Variants in PRDM11 observed in about 807,000 individuals in gnomAD.
PRDM11 encodes the protein PR/SET domain 11, also known as PR domain-containing protein 11.
PRDM11 carries 20 observed loss-of-function variants against 97.8 expected under a neutral mutation model. That is an observed-to-expected ratio of 0.20 (90% CI 0.14 to 0.30). The LOEUF (loss-of-function observed/expected upper bound fraction) is 0.30. Among genes scored for constraint, PRDM11 ranks in the 10% least tolerant of loss-of-function variants. The pLI, the probability that PRDM11 is intolerant of heterozygous loss-of-function variation, is 1.00. For missense variants in PRDM11, 1,139 were observed against 1,555.2 expected, an observed-to-expected ratio of 0.73 and a Z score of 4.50; for synonymous variants, 599 against 637.7, an observed-to-expected ratio of 0.94 and a Z score of 0.91.
chr11:45,177,388 G>A (rs1375976838), intron 1 of PRDM11, among the ~76,000 whole-genome samples: 1 of 152,218 alleles, frequency 6.6e-6, no homozygotes, highest in African/African-American at 2.4e-5. Context: ...TGCTGGGCAG[G>A]TAGGACTAGA....
Position 45,149,507 on chromosome 11 carries a change from T to G in PRDM11, c.-7+2630T>G, listed in dbSNP as rs1851608442. Among the ~76,000 whole-genome samples the G allele has an allele frequency of 2.6e-5, 4 of 152,226 alleles. No homozygotes were observed. In the South Asian group the frequency reaches 8.3e-4, roughly 32 times the overall value. On this transcript the variant is annotated intron_variant, in intron 1 of 7. Transcript: ENST00000683152. ...GGGAGTGTCTGGTGGTCCTTAGTGC[T>G]TTCCTCTTACTATTTCCGGTTCTTC...
At chr11:45,190,609 C>T (rs1198113938) in intron 4 of PRDM11, among the ~76,000 whole-genome samples, 1 of 151,530 alleles carries the variant, frequency 6.6e-6, no homozygotes, top group African/African-American at 2.4e-5. Context: ...CTGGTAAATA[C>T]TTTCGGCTTT....
chr11:45,106,681 G>A (rs896205994), intron 1 of PRDM11, among the ~76,000 whole-genome samples: 2 of 152,144 alleles, frequency 1.3e-5, no homozygotes, highest in African/African-American at 2.4e-5. Flanking sequence ...AGGCCGACAC[G>A]GGCTGCCACC....
chr11:45,125,495 C>G (rs1357401717), intron 1 of PRDM11, among the ~76,000 whole-genome samples: 1 of 152,184 alleles, frequency 6.6e-6, no homozygotes, highest in Non-Finnish European at 1.5e-5. Context: ...AAATTTCCCT[C>G]TACACACTGC....
At chr11:45,187,508 A>G (rs1044571786) in intron 4 of PRDM11, among the ~76,000 whole-genome samples, 1 of 152,186 alleles carries the variant, frequency 6.6e-6, no homozygotes, top group African/African-American at 2.4e-5. Flanking sequence ...GGAGGAATAG[A>G]AGGCCCTGGT....
chr11:45,137,753 A>G (rs1240549844), intron 1 of PRDM11, among the ~76,000 whole-genome samples: 1 of 152,184 alleles, frequency 6.6e-6, no homozygotes, highest in African/African-American at 2.4e-5. Flanking sequence ...GTAAAGAAAG[A>G]GAGAAAATAA....
intron 1 of PRDM11, among the ~76,000 whole-genome samples, chr11:45,102,311 G>A (rs536632492): frequency 9.2e-5 from 14 of 151,796 alleles, no homozygotes; most frequent in African/African-American, 3.2e-4. Flanking sequence ...GCTCTTTGCC[G>A]AAAGCCTGTG....
At chr11:45,107,343 G>A (rs375799774) in intron 1 of PRDM11, among the ~76,000 whole-genome samples, 11 of 152,204 alleles carry the variant, frequency 7.2e-5, no homozygotes, top group African/African-American at 2.7e-4. Flanking sequence ...GCTAATTATA[G>A]TTCAATGAGT....
In PRDM11 at chr11:45,167,759, CCACACACACACA is replaced by C. The variant is rs34333065; in HGVS notation, c.-6-13970_-6-13959del. ...GGAGGACTGCCTCTCTCATTTCACA[CCACACACACACA>C]CACACACACACACACACACACACAC... On this transcript the variant is annotated intron_variant, in intron 1 of 7. Transcript: ENST00000683152. Among the ~76,000 whole-genome samples the C allele has an allele frequency of 6.8e-3, 979 of 143,280 alleles. 11 individuals carry two copies. The highest frequency in any genetic ancestry group is 0.018 in the African/African-American group (708 of 38,698). 94.0% of individuals were successfully genotyped at this position (143,280 alleles called of 152,430 possible). A position where few individuals can be genotyped will look rare whatever the true frequency, so the allele number is the denominator to read the frequency against.
chr11:45,185,118 G>A (rs537054787), intron 4 of PRDM11, among the ~76,000 whole-genome samples: 96 of 152,282 alleles, frequency 6.3e-4, no homozygotes, highest in Non-Finnish European at 1.1e-3. Flanking sequence ...AAAGTGTCCC[G>A]TGGATTTACT....
chr11:45,118,347 ATAGT>A lies in PRDM11; in HGVS notation c.96+22450_96+22453del, dbSNP rs539108416. 2.2e-3 allele frequency among the ~76,000 whole-genome samples: 337 copies of A among 152,366 alleles called. 1 individual carries two copies. Among genetic ancestry groups the A allele is most frequent in the African/African-American group, 2.8e-3 (116 of 41,590 alleles). On this transcript the variant is annotated intron_variant, in intron 1 of 6. Transcript: ENST00000530656. ...GTAACAAATATAGTTATGTAGGATA[ATAGT>A]TAGGAGAAATTGGTTAGGGGTGCAT...
At chr11:45,148,358 A>G (rs1171091723) in intron 1 of PRDM11, among the ~76,000 whole-genome samples, 1 of 152,180 alleles carries the variant, frequency 6.6e-6, no homozygotes, top group African/African-American at 2.4e-5. Context: ...GAAGTTGTGA[A>G]ATTAAATGAG....
chr11:45,179,605 T>C (rs1852417422), intron 1 of PRDM11, among the ~76,000 whole-genome samples: 1 of 152,230 alleles, frequency 6.6e-6, no homozygotes, highest in East Asian at 1.9e-4. Flanking sequence ...TGTGGATGGC[T>C]GCCTTCTGGA....
chr11:45,223,220 G>A (rs1319356469), intron 6 of PRDM11, among the ~76,000 whole-genome samples: 1 of 152,138 alleles, frequency 6.6e-6, no homozygotes, highest in African/African-American at 2.4e-5. Flanking sequence ...GGCTGAAGTG[G>A]GGGGATCACT....
chr11:45,223,937 C>A (rs115785149), intron 6 of PRDM11, among the ~76,000 whole-genome samples: 1,658 of 152,282 alleles, frequency 0.011, 21 homozygotes, highest in African/African-American at 0.038. Context: ...AATTACTCTC[C>A]CTTATAGATT....
intron 1 of PRDM11, among the ~76,000 whole-genome samples, chr11:45,170,567 T>G (rs1211486858): frequency 6.6e-6 from 1 of 151,056 alleles, no homozygotes; most frequent in East Asian, 1.9e-4. Context: ...GGCTGTGATG[T>G]GGGGTGGGGA....
chr11:45,149,065 CCT>C (rs1350290805), intron 1 of PRDM11, among the ~76,000 whole-genome samples: 2 of 152,156 alleles, frequency 1.3e-5, no homozygotes, highest in African/African-American at 4.8e-5. Context: ...ATAACTTTAT[CCT>C]CTCAAATGAA....
chr11:45,182,196 C>T, intron 2 of PRDM11, 50 bp from the exon 3 acceptor site: 1 of 1,546,690 alleles, frequency 6.5e-7, no homozygotes, highest in Non-Finnish European at 8.9e-7. Context: ...ACTGGGCTCT[C>T]ACTCTCTGAT....
intron 1 of PRDM11, chr11:45,147,253 C>T (rs1021623716): frequency 6.6e-6 from 1 of 151,444 alleles, no homozygotes; most frequent in African/African-American, 2.4e-5. Context: ...AGTGGCGGCC[C>T]GGGCCGAGCG....
Sources: gnomAD v4.1 joint callset for allele counts (sites outside exome capture counted in the v4.1 genomes callset) on GRCh38, gnomAD v4.1.1 for gene constraint, MANE v1.5 for transcripts, NCBI Gene and HGNC (gene_info 2026-07-23, HGNC 2026-07-21) for gene names.